KIAA1217: variants seen among roughly 807,000 people sequenced by gnomAD.
KIAA1217 encodes the protein KIAA1217, also known as sickle tail protein homolog.
KIAA1217 carries 88 observed loss-of-function variants against 163.9 expected under a neutral mutation model. That is an observed-to-expected ratio of 0.54 (90% CI 0.45 to 0.64). The LOEUF (loss-of-function observed/expected upper bound fraction) is 0.64, where lower values mean the gene tolerates loss of function less well. KIAA1217 is among the 30% of genes least tolerant of loss of function. The pLI is 0.00. For missense variants in KIAA1217, 2,372 were observed against 2,475.0 expected (o/e 0.96, Z 0.88); for synonymous variants, 903 against 923.1 (o/e 0.98, Z 0.39).
rs1328846558 is a variant in KIAA1217, at chr10:23,841,988, C to G, written c.-321+146754C>G. Among the ~76,000 whole-genome samples, 6 of 152,130 alleles carry G rather than the reference C, an allele frequency of 3.9e-5. No individual in the cohort carries two copies. The East Asian group carries it at 1.2e-3, about 29-fold the overall frequency. On this transcript the variant is annotated intron_variant, in intron 1 of 18. Transcript: ENST00000376462. ...GTTCAAGCTATTCTCCAGCCTCAAC[C>G]TCCCAAGTAGCTGGGATTACAGGCA...
At chr10:24,483,682 C>G (rs2064989664) in intron 6 of KIAA1217, among the ~76,000 whole-genome samples, 1 of 152,090 alleles carries the variant, frequency 6.6e-6, no homozygotes, top group Non-Finnish European at 1.5e-5. Flanking sequence ...CTCCTGACAC[C>G]GTCTCTCATT....
chr10:23,823,688 C>T (rs1837732394), intron 1 of KIAA1217, among the ~76,000 whole-genome samples: 1 of 152,096 alleles, frequency 6.6e-6, no homozygotes, highest in South Asian at 2.1e-4. Context: ...AAACATTAAA[C>T]CCCCCTACTT....
At chr10:23,825,293 A>T (rs777732263) in intron 1 of KIAA1217, among the ~76,000 whole-genome samples, 3 of 152,194 alleles carry the variant, frequency 2.0e-5, no homozygotes, top group Admixed American at 6.5e-5. Flanking sequence ...AACGCTCATT[A>T]TCTCTTAGAT....
chr10:24,130,577 C>G (rs541481168), intron 2 of KIAA1217, among the ~76,000 whole-genome samples: 1 of 152,268 alleles, frequency 6.6e-6, no homozygotes, highest in East Asian at 1.9e-4. Context: ...TGATAGAGTA[C>G]TATGGAGTTC....
At position 24,484,255 on chromosome 10, in the gene KIAA1217, T is replaced by A. The variant is rs1401705733; in HGVS notation, c.1679+10195T>A. On this transcript the variant is annotated intron_variant, in intron 6 of 20. Coordinates refer to ENST00000376454, the MANE Select transcript of KIAA1217 (RefSeq NM_019590.5). ...TATATATATATATTTTTTTTTTTTTTTTTTTTTTTGAAACAGTCTCGCTCT... is the reference window on the plus strand; with the variant it reads ...TATATATATATATTTTTTTTTTTTTATTTTTTTTTGAAACAGTCTCGCTCT... 5.8e-5 allele frequency among the ~76,000 whole-genome samples: 7 copies of A among 120,928 alleles called. 1 individual carries two copies. Among genetic ancestry groups the A allele is most frequent in the African/African-American group, 2.2e-4 (7 of 31,538 alleles). The allele number at this position is 120,928 out of a possible 152,430, so 79.3% of individuals were successfully genotyped here. A position where few individuals can be genotyped will look rare whatever the true frequency, so the allele number is the denominator to read the frequency against.
chr10:23,766,023 A>G (rs1834501620), intron 1 of KIAA1217, among the ~76,000 whole-genome samples: 1 of 152,270 alleles, frequency 6.6e-6, no homozygotes, highest in African/African-American at 2.4e-5. Context: ...CTTGAAGGTG[A>G]TTTGCAGGCA....
chr10:24,405,213 C>T (rs1459124015), intron 3 of KIAA1217, among the ~76,000 whole-genome samples: 1 of 152,062 alleles, frequency 6.6e-6, no homozygotes, highest in African/African-American at 2.4e-5. Flanking sequence ...TTTGTTATTG[C>T]CCTATAGTTA....
At chr10:23,854,601 T>C (rs539041686) in intron 1 of KIAA1217, among the ~76,000 whole-genome samples, 1 of 152,050 alleles carries the variant, frequency 6.6e-6, no homozygotes, top group Admixed American at 6.6e-5. Flanking sequence ...TCTGTCTAAT[T>C]TTGACAGTGG....
chr10:24,483,415 G>A (rs960557265), intron 6 of KIAA1217, among the ~76,000 whole-genome samples: 5 of 152,128 alleles, frequency 3.3e-5, no homozygotes, highest in Non-Finnish European at 7.4e-5. Flanking sequence ...GTTAAAACGT[G>A]AGACCTTTCA....
chr10:24,177,296 T>C (rs1564793276), intron 2 of KIAA1217, among the ~76,000 whole-genome samples: 1 of 66,998 alleles, frequency 1.5e-5, no homozygotes, highest in African/African-American at 4.2e-5. Flanking sequence ...TATATATATA[T>C]ATTACAATTT....
intron 1 of KIAA1217, among the ~76,000 whole-genome samples, chr10:23,722,627 G>T (rs1199101252): frequency 6.6e-6 from 1 of 152,104 alleles, no homozygotes; most frequent in Non-Finnish European, 1.5e-5. Flanking sequence ...ATCCTTTGAA[G>T]TAACAAAAAT....
intron 1 of KIAA1217, among the ~76,000 whole-genome samples, chr10:23,961,606 C>T (rs938810762): frequency 6.6e-6 from 1 of 152,148 alleles, no homozygotes; most frequent in African/African-American, 2.4e-5. Flanking sequence ...AACCCTTCAG[C>T]TTTTTTGTAA....
intron 2 of KIAA1217, among the ~76,000 whole-genome samples, chr10:24,073,015 C>CGCCACT (rs1428824541): frequency 6.7e-6 from 1 of 149,928 alleles, no homozygotes; most frequent in Non-Finnish European, 1.5e-5. Context: ...CCCAAGATCA[C>CGCCACT]GCCACTGCAC....
chr10:23,734,945 C>T (rs1039260348), intron 1 of KIAA1217, among the ~76,000 whole-genome samples: 1 of 152,076 alleles, frequency 6.6e-6, no homozygotes, highest in African/African-American at 2.4e-5. Flanking sequence ...TCCTGATTCT[C>T]TCCCTCCTCC....
intron 1 of KIAA1217, among the ~76,000 whole-genome samples, chr10:23,722,631 C>T (rs953945592): frequency 2.6e-5 from 4 of 152,092 alleles, no homozygotes; most frequent in Admixed American, 2.6e-4. Flanking sequence ...TTTGAAGTAA[C>T]AAAAATGCGA....
intron 11 of KIAA1217, among the ~76,000 whole-genome samples, chr10:24,520,558 G>T (rs1487996335): frequency 2.7e-5 from 4 of 146,358 alleles, no homozygotes; most frequent in African/African-American, 7.6e-5. Flanking sequence ...AAAACACAAG[G>T]TGGGAGGATC....
Position 24,177,258 on chromosome 10 carries a change from CATATATATATATATATATATATATATAT to C in KIAA1217, c.-170-42355_-170-42328del, listed in dbSNP as rs1210930891. Among the ~76,000 whole-genome samples, 62 of 25,154 alleles carry C rather than the reference CATATATATATATATATATATATATATAT, an allele frequency of 2.5e-3. 3 individuals are homozygous for C. Among genetic ancestry groups the C allele is most frequent in the African/African-American group, 0.011 (62 of 5,574 alleles). The allele number at this position is 25,154 out of a possible 152,430, so 16.5% of individuals were successfully genotyped here. On this transcript the variant is annotated intron_variant, in intron 2 of 18. Coordinates refer to the KIAA1217 transcript ENST00000376462. ...CTAGCACGTTTTCACCTCTCACCAT[CATATATATATATATATATATATATATAT>C]ATATATATATATTACAATTTCTTTG...
chr10:24,251,143 T>C (rs1271175161), intron 2 of KIAA1217, among the ~76,000 whole-genome samples: 9 of 151,888 alleles, frequency 5.9e-5, no homozygotes, highest in African/African-American at 7.3e-5. Context: ...TGAGAATCAC[T>C]TGAACCCAGG....
At position 24,527,974 on chromosome 10, in the gene KIAA1217, G is replaced by A; in HGVS notation, c.2937G>A (p.Leu979=). The change falls in exon 14 of 21, where the codon CTG becomes CTA. Residue 979 remains leucine, a synonymous_variant. Transcript: ENST00000376454. ...AATGGGAGGAAAAAAGGCAAAATCT[G>A]GATCACTATAATGGGAAAGAGTTTG... ...EKKWEEKRQN[L]DHYNGKEFEK... 6.2e-7 allele frequency: 1 copy of A among 1,614,000 alleles called. No individual in the cohort carries two copies. The highest frequency in any genetic ancestry group is 1.1e-5 in the South Asian group (1 of 91,076).
Sources: gnomAD v4.1 joint callset for allele counts (sites outside exome capture counted in the v4.1 genomes callset) on GRCh38, gnomAD v4.1.1 for gene constraint, MANE v1.5 for transcripts, NCBI Gene and HGNC (gene_info 2026-07-23, HGNC 2026-07-21) for gene names.